PSMA8: variants seen among roughly 807,000 people sequenced by gnomAD.
The protein encoded by PSMA8 is proteasome 20S subunit alpha 8, also known as proteasome subunit alpha-type 8.
PSMA8 carries 18 observed loss-of-function variants against 32.4 expected under a neutral mutation model. The observed-to-expected ratio is 0.56, with a 90% CI of 0.38 to 0.82. The LOEUF is 0.82. Ranked by LOEUF, PSMA8 falls within the 40% of genes least tolerant of loss-of-function variation. The pLI, the probability that PSMA8 is intolerant of heterozygous loss-of-function variation, is 0.00. For missense variants in PSMA8, 298 were observed against 300.7 expected (o/e 0.99, Z 0.07); for synonymous variants, 104 against 98.1 (o/e 1.06, Z -0.36).
intron 2 of PSMA8, among the ~76,000 whole-genome samples, chr18:26,150,062 G>T (rs749312960): frequency 3.9e-5 from 6 of 152,130 alleles, no homozygotes; most frequent in Non-Finnish European, 5.9e-5. Flanking sequence ...AAATTTTTGA[G>T]CACCAACATG....
At chr18:26,138,527 T>A (rs996886696) in intron 1 of PSMA8, among the ~76,000 whole-genome samples, 1 of 152,254 alleles carries the variant, frequency 6.6e-6, no homozygotes, top group Admixed American at 6.5e-5. Flanking sequence ...TTGATTTGCT[T>A]AGTGACAGAT....
chr18:26,167,802 T>C (rs1225199177), intron 4 of PSMA8, among the ~76,000 whole-genome samples: 5 of 151,936 alleles, frequency 3.3e-5, no homozygotes, highest in Admixed American at 1.3e-4. Context: ...TCTAGAACTT[T>C]GAGAAAATAA....
chr18:26,172,810 A>G (rs1367464629), intron 4 of PSMA8, among the ~76,000 whole-genome samples: 1 of 152,194 alleles, frequency 6.6e-6, no homozygotes, highest in Non-Finnish European at 1.5e-5. Context: ...CATTGGTGGC[A>G]CAGAGGAAGC....
chr18:26,173,536 A>G (rs1248699424), intron 4 of PSMA8, among the ~76,000 whole-genome samples: 2 of 150,056 alleles, frequency 1.3e-5, no homozygotes, highest in African/African-American at 4.9e-5. Context: ...TTTAAGGTCT[A>G]TGAGTGCAGG....
intron 4 of PSMA8, among the ~76,000 whole-genome samples, chr18:26,162,898 G>C (rs8093606): frequency 0.015 from 2,313 of 151,754 alleles, 62 homozygotes; most frequent in African/African-American, 0.053. Context: ...AAATCCTAAA[G>C]GTCCAGAAAT....
chr18:26,183,046 C>G (rs2055324679), intron 6 of PSMA8, among the ~76,000 whole-genome samples: 1 of 149,346 alleles, frequency 6.7e-6, no homozygotes, highest in Non-Finnish European at 1.5e-5. Flanking sequence ...GAGCCAAGAT[C>G]ATGCTATCGC....
intron 2 of PSMA8, 114 bp from the exon 3 acceptor site, chr18:26,151,744 G>A: frequency 1.1e-6 from 1 of 950,428 alleles, no homozygotes; most frequent in Non-Finnish European, 1.5e-6. Context: ...AGCATGTATT[G>A]AGAAAAAAAG....
intron 1 of PSMA8, among the ~76,000 whole-genome samples, chr18:26,143,907 A>T (rs963380147): frequency 6.6e-6 from 1 of 151,990 alleles, no homozygotes; most frequent in South Asian, 2.1e-4. Flanking sequence ...TTTTTAGTAG[A>T]GACGGGGTTT....
At chr18:26,153,401 T>C (rs893839762) in intron 3 of PSMA8, among the ~76,000 whole-genome samples, 1 of 152,196 alleles carries the variant, frequency 6.6e-6, no homozygotes, top group Non-Finnish European at 1.5e-5. Context: ...AGATTCTTTT[T>C]ATATGTAGCT....
intron 4 of PSMA8, among the ~76,000 whole-genome samples, chr18:26,173,359 C>T (rs1454935150): frequency 6.6e-6 from 1 of 152,216 alleles, no homozygotes; most frequent in Non-Finnish European, 1.5e-5. Context: ...ACCATCCTCA[C>T]CCTCTGAGTG....
chr18:26,157,745 A>G (rs2055101569), intron 3 of PSMA8, among the ~76,000 whole-genome samples: 1 of 152,178 alleles, frequency 6.6e-6, no homozygotes, highest in South Asian at 2.1e-4. Flanking sequence ...GCGTCCCTCA[A>G]GGTAAGCCGA....
intron 1 of PSMA8, among the ~76,000 whole-genome samples, chr18:26,138,362 G>A (rs2054928813): frequency 6.6e-6 from 1 of 152,152 alleles, no homozygotes; most frequent in African/African-American, 2.4e-5. Flanking sequence ...TATTCTCTGG[G>A]AGAACTGTTG....
At chr18:26,146,606 T>A (rs1348835465) in intron 2 of PSMA8, among the ~76,000 whole-genome samples, 2 of 150,484 alleles carry the variant, frequency 1.3e-5, no homozygotes, top group African/African-American at 4.9e-5. Flanking sequence ...TCAAAAAAAA[T>A]ACAAAAATTA....
At chr18:26,141,190 G>A (rs1890489478) in intron 1 of PSMA8, among the ~76,000 whole-genome samples, 2 of 151,472 alleles carry the variant, frequency 1.3e-5, no homozygotes, top group African/African-American at 2.4e-5. Context: ...AAGCTTAGCT[G>A]CAATATTTTT....
intron 4 of PSMA8, among the ~76,000 whole-genome samples, chr18:26,162,973 C>T (rs1302940363): frequency 1.3e-5 from 2 of 151,810 alleles, no homozygotes; most frequent in African/African-American, 2.4e-5. Flanking sequence ...TGTTATAGTG[C>T]AGGATTCCCA....
At chr18:26,148,892 C>G (rs1470636301) in intron 2 of PSMA8, among the ~76,000 whole-genome samples, 1 of 152,126 alleles carries the variant, frequency 6.6e-6, no homozygotes, top group Non-Finnish European at 1.5e-5. Flanking sequence ...TATCACTCAG[C>G]CTGAAGCACA....
intron 1 of PSMA8, among the ~76,000 whole-genome samples, chr18:26,139,126 C>T (rs959091580): frequency 2.6e-5 from 4 of 152,252 alleles, no homozygotes; most frequent in African/African-American, 4.8e-5. Context: ...GTGAAAATGA[C>T]GAATGTCACA....
At chr18:26,181,787 G>C (rs2055313571) in intron 6 of PSMA8, among the ~76,000 whole-genome samples, 1 of 152,220 alleles carries the variant, frequency 6.6e-6, no homozygotes, top group South Asian at 2.1e-4. Flanking sequence ...AGCCACGTGT[G>C]GTGGCACGCA....
chr18:26,157,392 TA>T (rs760332641), intron 3 of PSMA8, among the ~76,000 whole-genome samples: 527 of 142,358 alleles, frequency 3.7e-3, no homozygotes, highest in Middle Eastern at 7.4e-3. Context: ...CCCTGTCTCT[TA>T]AAAAAAAAAA....
Sources: gnomAD v4.1 joint callset for allele counts (sites outside exome capture counted in the v4.1 genomes callset) on GRCh38, gnomAD v4.1.1 for gene constraint, MANE v1.5 for transcripts, NCBI Gene and HGNC (gene_info 2026-07-23, HGNC 2026-07-21) for gene names.